EFCAB6: variants seen among roughly 807,000 people sequenced by gnomAD.
The protein encoded by EFCAB6 is EF-hand calcium-binding domain-containing protein 6.
In EFCAB6, 156 loss-of-function variants were observed where a neutral mutation model predicts 169.8. The observed-to-expected ratio is 0.92, with a 90% CI of 0.81 to 1.05. The LOEUF (loss-of-function observed/expected upper bound fraction) is 1.05, where lower values mean the gene tolerates loss of function less well. Among genes scored for constraint, EFCAB6 ranks in the 50% least tolerant of loss-of-function variants. The pLI, the probability that EFCAB6 is intolerant of heterozygous loss-of-function variation, is 0.00. For missense variants in EFCAB6, 1,800 were observed against 1,829.1 expected (o/e 0.98, Z 0.29); for synonymous variants, 698 against 676.4 (o/e 1.03, Z -0.50).
chr22:43,738,824 C>A lies in EFCAB6; in HGVS notation c.508-2831G>T, dbSNP rs1332770467. 6.6e-5 allele frequency among the ~76,000 whole-genome samples: 10 copies of A among 152,270 alleles called. No homozygotes were observed. In the South Asian group the frequency reaches 1.9e-3, roughly 28 times the overall value. ...CAACTAAAAGACAGCATTCCCATTC[C>A]CCACACCCACTTGCAGCTGGCCTGG... is the stretch of plus-strand genomic sequence containing the variant. On this transcript the variant is annotated intron_variant, in intron 6 of 31. Transcript: ENST00000262726.
At chr22:43,774,127 G>T (rs1161674064) in intron 3 of EFCAB6, among the ~76,000 whole-genome samples, 1 of 151,976 alleles carries the variant, frequency 6.6e-6, no homozygotes, top group African/African-American at 2.4e-5. Flanking sequence ...CAGCTAGGGA[G>T]GGAGGATGCT....
At chr22:43,649,677 C>A (rs1334211769) in intron 17 of EFCAB6, among the ~76,000 whole-genome samples, 1 of 152,074 alleles carries the variant, frequency 6.6e-6, no homozygotes, top group Non-Finnish European at 1.5e-5. Flanking sequence ...GTTGGAATAT[C>A]TTGCAGATTT....
chr22:43,655,732 A>G (rs1260496115), intron 17 of EFCAB6, among the ~76,000 whole-genome samples: 3 of 152,202 alleles, frequency 2.0e-5, no homozygotes, highest in Admixed American at 6.5e-5. Context: ...AATTGGCTAT[A>G]TGCTGCCCAC....
At chr22:43,530,992 A>C in intron 30 of EFCAB6, 28 bp from the exon 31 acceptor site, 1 of 1,613,140 alleles carries the variant, frequency 6.2e-7, no homozygotes, top group Non-Finnish European at 8.5e-7. Flanking sequence ...AGGGGTGAGG[A>C]GGGAGCTTTT....
intron 10 of EFCAB6, among the ~76,000 whole-genome samples, chr22:43,689,809 A>G (rs2147169920): frequency 6.6e-6 from 1 of 152,324 alleles, no homozygotes; most frequent in Non-Finnish European, 1.5e-5. Flanking sequence ...ACAGGGAGGA[A>G]ATGCAATTCA....
chr22:43,565,457 G>A (rs935795298), intron 26 of EFCAB6, among the ~76,000 whole-genome samples: 1 of 152,208 alleles, frequency 6.6e-6, no homozygotes. Context: ...GACAGGACAA[G>A]TAAGCTGTTG....
At chr22:43,596,140 A>C (rs1405550855) in intron 23 of EFCAB6, among the ~76,000 whole-genome samples, 1 of 152,188 alleles carries the variant, frequency 6.6e-6, no homozygotes, top group African/African-American at 2.4e-5. Flanking sequence ...AGCTAATATG[A>C]TACTAACCAG....
At chr22:43,579,931 C>A (rs1401059477) in intron 25 of EFCAB6, among the ~76,000 whole-genome samples, 1 of 152,186 alleles carries the variant, frequency 6.6e-6, no homozygotes, top group Admixed American at 6.5e-5. Context: ...TACACGCAGG[C>A]ATCATTGCCT....
At chr22:43,643,364 C>T (rs2055930797) in intron 17 of EFCAB6, among the ~76,000 whole-genome samples, 1 of 152,252 alleles carries the variant, frequency 6.6e-6, no homozygotes. Flanking sequence ...CTCATAGACT[C>T]AGCACTGGAA....
At chr22:43,574,877 A>T (rs192578826) in intron 26 of EFCAB6, among the ~76,000 whole-genome samples, 1 of 152,336 alleles carries the variant, frequency 6.6e-6, no homozygotes, top group African/African-American at 2.4e-5. Context: ...ACCAAGGGAC[A>T]GCAGGGATGT....
chr22:43,627,618 C>T (rs1602716027), intron 19 of EFCAB6, among the ~76,000 whole-genome samples: 1 of 152,192 alleles, frequency 6.6e-6, no homozygotes, highest in East Asian at 1.9e-4. Context: ...CTGTTTCCCA[C>T]ATGCACCTGC....
intron 6 of EFCAB6, among the ~76,000 whole-genome samples, chr22:43,751,934 CA>C (rs1168630182): frequency 1.3e-5 from 2 of 152,156 alleles, no homozygotes; most frequent in African/African-American, 4.8e-5. Context: ...GCACTTAGAA[CA>C]GCTCCTAGTA....
intron 4 of EFCAB6, among the ~76,000 whole-genome samples, chr22:43,769,748 G>A (rs1240301187): frequency 6.6e-6 from 1 of 152,108 alleles, no homozygotes; most frequent in Non-Finnish European, 1.5e-5. Flanking sequence ...GATATGGGGT[G>A]AGGAGGGCAT....
chr22:43,758,268 G>A (rs1884305244), intron 5 of EFCAB6, among the ~76,000 whole-genome samples: 1 of 150,466 alleles, frequency 6.6e-6, no homozygotes, highest in Admixed American at 6.6e-5. Flanking sequence ...ATATACAGAG[G>A]GGGGTAGGTC....
At chr22:43,648,261 G>C (rs938288305) in intron 17 of EFCAB6, among the ~76,000 whole-genome samples, 3 of 152,144 alleles carry the variant, frequency 2.0e-5, no homozygotes, top group Non-Finnish European at 4.4e-5. Flanking sequence ...CAGTTATTAA[G>C]AAGCAGAGCT....
intron 6 of EFCAB6, 97 bp from the exon 7 acceptor site, chr22:43,736,090 A>C: frequency 8.2e-7 from 1 of 1,223,682 alleles, no homozygotes; most frequent in Non-Finnish European, 1.1e-6. Flanking sequence ...ACTTTTTATA[A>C]AATAAAATGT....
intron 10 of EFCAB6, among the ~76,000 whole-genome samples, chr22:43,698,792 A>C (rs2058667869): frequency 6.6e-6 from 1 of 152,206 alleles, no homozygotes; most frequent in African/African-American, 2.4e-5. Flanking sequence ...ATGCTGACAG[A>C]GAAAGGGAGA....
At position 43,576,428 on chromosome 22, in the gene EFCAB6, C is replaced by T; in HGVS notation, c.3289G>A (p.Val1097Ile). The change falls in exon 26 of 32, where the codon GTT becomes ATT. Residue 1097 changes from valine (V) to isoleucine (I), a missense_variant. Val to Ile is a conservative substitution (Grantham distance 29). Transcript: ENST00000262726. ...AGTTTGTAACAGAAATCCTTAAGAA[C>T]TTGTCCGAATTCTGTAGCCTTTACA... ...GFVKATEFGQ[V>I]LKDFCYKLTD... 1 of 1,602,894 alleles carries T rather than the reference C, an allele frequency of 6.2e-7. No individual in the cohort carries two copies. Among genetic ancestry groups the T allele is most frequent in the Non-Finnish European group, 8.5e-7 (1 of 1,176,862 alleles).
At chr22:43,529,523 T>C (rs2046932702) in intron 31 of EFCAB6, among the ~76,000 whole-genome samples, 1 of 152,234 alleles carries the variant, frequency 6.6e-6, no homozygotes, top group Admixed American at 6.5e-5. Context: ...GGAACATGTC[T>C]CAGCCTCTCT....
Sources: allele counts gnomAD v4.1 joint callset (sites outside exome capture counted in the v4.1 genomes callset), GRCh38; gene constraint gnomAD v4.1.1; transcripts MANE v1.5; gene names NCBI Gene and HGNC (gene_info 2026-07-23, HGNC 2026-07-21).